NALF1: variants seen among roughly 807,000 people sequenced by gnomAD.
The protein encoded by NALF1 is NALCN channel auxiliary factor 1.
NALF1 carries 3 observed loss-of-function variants against 48.4 expected under a neutral mutation model. The observed-to-expected ratio is 0.06, with a 90% CI of 0.03 to 0.16. NALF1 has a LOEUF of 0.16. Among genes scored for constraint, NALF1 ranks in the 10% least tolerant of loss-of-function variants. The pLI is 1.00. For synonymous variants in NALF1, 262 were observed against 245.7 expected (o/e 1.07, Z -0.62); for missense variants, 526 against 571.5 (o/e 0.92, Z 0.81).
intron 1 of NALF1, among the ~76,000 whole-genome samples, chr13:107,612,756 C>A (rs976181220): frequency 6.6e-5 from 10 of 152,118 alleles, no homozygotes; most frequent in Non-Finnish European, 1.0e-4. Flanking sequence ...GGCCTTGAGA[C>A]TCCAGCTGGA....
chr13:107,465,391 T>C (rs1477523942), intron 1 of NALF1, among the ~76,000 whole-genome samples: 10 of 151,898 alleles, frequency 6.6e-5, no homozygotes, highest in South Asian at 2.1e-4. Context: ...GTTTATACAA[T>C]TTTTTTTACT....
At chr13:107,223,139 C>T (rs55946937) in intron 1 of NALF1, among the ~76,000 whole-genome samples, 1 of 152,052 alleles carries the variant, frequency 6.6e-6, no homozygotes, top group South Asian at 2.1e-4. Flanking sequence ...TTTCTTTGTT[C>T]TGGTTGGCAT....
At chr13:107,645,453 TTA>T (rs1220928252) in intron 1 of NALF1, among the ~76,000 whole-genome samples, 3 of 152,170 alleles carry the variant, frequency 2.0e-5, no homozygotes, top group Admixed American at 6.5e-5. Flanking sequence ...CTGTTACTAT[TTA>T]TATGTTTTAC....
rs61429641 is a variant in NALF1, at chr13:107,586,635, A to ATTTTTTTTTTTTTTTTT, written c.915+279046_915+279047insAAAAAAAAAAAAAAAAA. ...CTACATTTAAAGCTCCCCTATGGAGATTTTTTTTTTTTTTGCTAGGAATGA... is the reference window on the plus strand; with the variant it reads ...CTACATTTAAAGCTCCCCTATGGAGATTTTTTTTTTTTTTTTTTTTTTTTTTTTTTTGCTAGGAATGA... On this transcript the variant is annotated intron_variant, in intron 1 of 2. Coordinates refer to ENST00000375915, the MANE Select transcript of NALF1 (RefSeq NM_001080396.3). 7.6e-3 allele frequency among the ~76,000 whole-genome samples: 707 copies of ATTTTTTTTTTTTTTTTT among 93,042 alleles called. 153 individuals carry two copies. Among genetic ancestry groups the ATTTTTTTTTTTTTTTTT allele is most frequent in the African/African-American group, 0.024 (537 of 21,924 alleles). The allele number at this position is 93,042 out of a possible 152,430, so 61.0% of individuals were successfully genotyped here.
At chr13:107,550,066 G>C (rs1347163180) in intron 1 of NALF1, among the ~76,000 whole-genome samples, 1 of 152,068 alleles carries the variant, frequency 6.6e-6, no homozygotes, top group Non-Finnish European at 1.5e-5. Flanking sequence ...AATCGCTTAA[G>C]TAAAATGACC....
At chr13:107,346,197 G>C (rs772666560) in intron 1 of NALF1, among the ~76,000 whole-genome samples, 1 of 152,036 alleles carries the variant, frequency 6.6e-6, no homozygotes, top group Non-Finnish European at 1.5e-5. Flanking sequence ...AATTGGCATA[G>C]CTATTATGGA....
intron 1 of NALF1, among the ~76,000 whole-genome samples, chr13:107,625,297 A>G (rs1270838126): frequency 2.6e-5 from 4 of 152,156 alleles, no homozygotes; most frequent in Non-Finnish European, 5.9e-5. Flanking sequence ...GGGCTAAACG[A>G]AAAGCACCTT....
chr13:107,242,675 C>T (rs1880500950), intron 1 of NALF1, among the ~76,000 whole-genome samples: 1 of 152,016 alleles, frequency 6.6e-6, no homozygotes. Context: ...TTTTGTTTAC[C>T]TAAATGATCC....
chr13:107,416,806 G>A (rs1483431070), intron 1 of NALF1, among the ~76,000 whole-genome samples: 1 of 152,188 alleles, frequency 6.6e-6, no homozygotes, highest in African/African-American at 2.4e-5. Flanking sequence ...CTTTAAAACA[G>A]TATTTACATA....
At chr13:107,798,921 C>T (rs1482845762) in intron 1 of NALF1, among the ~76,000 whole-genome samples, 1 of 152,116 alleles carries the variant, frequency 6.6e-6, no homozygotes, top group Non-Finnish European at 1.5e-5. Flanking sequence ...TTTTGAGCAC[C>T]TATATATGTC....
intron 1 of NALF1, among the ~76,000 whole-genome samples, chr13:107,274,866 C>G (rs554090208): frequency 9.2e-5 from 14 of 152,158 alleles, no homozygotes; most frequent in African/African-American, 3.4e-4. Context: ...GAGGTCTTAC[C>G]TGCTTGGAAG....
At chr13:107,585,403 G>C (rs923146591) in intron 1 of NALF1, among the ~76,000 whole-genome samples, 16 of 152,096 alleles carry the variant, frequency 1.1e-4, no homozygotes, top group Non-Finnish European at 2.2e-4. Flanking sequence ...ACGTATCTGG[G>C]AAGAAATATG....
intron 1 of NALF1, among the ~76,000 whole-genome samples, chr13:107,739,862 T>A (rs1192370490): frequency 6.6e-6 from 1 of 152,208 alleles, no homozygotes; most frequent in Non-Finnish European, 1.5e-5. Flanking sequence ...TATTGTAAAC[T>A]GCACATGTGA....
chr13:107,619,553 T>C (rs1458592910), intron 1 of NALF1, among the ~76,000 whole-genome samples: 1 of 152,198 alleles, frequency 6.6e-6, no homozygotes, highest in African/African-American at 2.4e-5. Flanking sequence ...TTTTAACACG[T>C]TGCATTTTTC....
intron 1 of NALF1, among the ~76,000 whole-genome samples, chr13:107,343,784 G>T (rs1052848200): frequency 2.0e-5 from 3 of 151,888 alleles, no homozygotes; most frequent in Admixed American, 2.0e-4. Context: ...AAATGAATAA[G>T]ATTTATACCT....
chr13:107,690,460 C>T lies in NALF1; in HGVS notation c.915+175222G>A, dbSNP rs573070298. ...AGGACATCTGGAATGATAGATTTTA[C>T]GTTTGTTCAGAGAGTTAAAGTGGTT... On this transcript the variant is annotated intron_variant, in intron 1 of 2. Transcript: ENST00000375915. Among the ~76,000 whole-genome samples the T allele has an allele frequency of 6.6e-5, 10 of 152,274 alleles. No individual in the cohort carries two copies. The South Asian group carries it at 1.2e-3, about 19-fold the overall frequency.
At chr13:107,393,658 C>G (rs1442043378) in intron 1 of NALF1, among the ~76,000 whole-genome samples, 21 of 152,144 alleles carry the variant, frequency 1.4e-4, no homozygotes, top group African/African-American at 4.8e-4. Flanking sequence ...ATTAAAAGAA[C>G]AGGGTAGGGA....
At chr13:107,564,637 A>G (rs925541352) in intron 1 of NALF1, among the ~76,000 whole-genome samples, 1 of 152,190 alleles carries the variant, frequency 6.6e-6, no homozygotes, top group Non-Finnish European at 1.5e-5. Flanking sequence ...TATGGATGCC[A>G]CTTAAACACT....
intron 1 of NALF1, among the ~76,000 whole-genome samples, chr13:107,282,751 A>G (rs1294866280): frequency 1.3e-5 from 2 of 152,178 alleles, no homozygotes; most frequent in Non-Finnish European, 2.9e-5. Context: ...TCGACCTCGG[A>G]AGTGAATCCG....
Sources: allele counts gnomAD v4.1 joint callset (sites outside exome capture counted in the v4.1 genomes callset), GRCh38; gene constraint gnomAD v4.1.1; transcripts MANE v1.5; gene names NCBI Gene and HGNC (gene_info 2026-07-23, HGNC 2026-07-21).